The following BACE2 variants were observed in gnomAD, a reference collection of about 807,000 sequenced individuals.
BACE2 encodes the protein 56 kDa aspartic-like protease.
In BACE2, 17 loss-of-function variants were observed where a neutral mutation model predicts 46.2. That is an observed-to-expected ratio of 0.37 (90% confidence interval 0.25 to 0.55). BACE2 has a LOEUF of 0.55. BACE2 is among the 20% of genes least tolerant of loss of function. BACE2 has a pLI of 0.82. For missense variants in BACE2, 595 were observed against 698.1 expected, an observed-to-expected ratio of 0.85 and a Z score of 1.66; for synonymous variants, 277 against 295.9, an observed-to-expected ratio of 0.94 and a Z score of 0.66.
At chr21:41,179,303 G>A (rs1984994075) in intron 1 of BACE2, 1 of 1,305,696 alleles carries the variant, frequency 7.7e-7, no homozygotes, top group South Asian at 1.2e-5. Flanking sequence ...GATTGAGGGT[G>A]TCAGGGTGAG....
At chr21:41,243,659 A>G (rs983510944) in intron 5 of BACE2, 149 bp downstream of exon 5, 10 of 802,884 alleles carry the variant, frequency 1.2e-5, no homozygotes, top group Admixed American at 3.6e-5. Flanking sequence ...CTTGCTGTAC[A>G]GTAAGTTGAA....
chr21:41,213,792 C>G (rs368423395), intron 1 of BACE2, among the ~76,000 whole-genome samples: 31 of 151,968 alleles, frequency 2.0e-4, no homozygotes, highest in African/African-American at 7.2e-4. Context: ...AAAGAGTAAG[C>G]TTTGTCTGGG....
At chr21:41,268,708 C>T (rs571314971) in intron 8 of BACE2, among the ~76,000 whole-genome samples, 7 of 151,978 alleles carry the variant, frequency 4.6e-5, no homozygotes, top group Non-Finnish European at 1.0e-4. Flanking sequence ...TATAAATAGC[C>T]GCTGCATTCC....
intron 1 of BACE2, among the ~76,000 whole-genome samples, chr21:41,214,800 A>G (rs2123553459): frequency 6.6e-6 from 1 of 152,338 alleles, no homozygotes; most frequent in South Asian, 2.1e-4. Flanking sequence ...CCCTACTGTC[A>G]GCTGTCATGG....
chr21:41,259,806 T>C (rs978498218), intron 8 of BACE2, among the ~76,000 whole-genome samples: 1 of 149,344 alleles, frequency 6.7e-6, no homozygotes, highest in Non-Finnish European at 1.5e-5. Flanking sequence ...TTCTTTCTTT[T>C]GTTTTCTTTT....
intron 1 of BACE2, among the ~76,000 whole-genome samples, chr21:41,201,540 C>T (rs544174829): frequency 2.0e-5 from 3 of 152,348 alleles, no homozygotes; most frequent in African/African-American, 4.8e-5. Flanking sequence ...CTTACTGTCT[C>T]GCCTCCATCT....
At chr21:41,209,780 G>A (rs1183944230) in intron 1 of BACE2, among the ~76,000 whole-genome samples, 1 of 152,158 alleles carries the variant, frequency 6.6e-6, no homozygotes, top group Non-Finnish European at 1.5e-5. Flanking sequence ...TTCCTGCATG[G>A]AGAAGACACA....
chr21:41,228,716 C>T (rs1245995555), intron 2 of BACE2, among the ~76,000 whole-genome samples: 1 of 152,120 alleles, frequency 6.6e-6, no homozygotes, highest in African/African-American at 2.4e-5. Flanking sequence ...TCCACCAGGC[C>T]CCACTTCCTA....
chr21:41,222,505 G>C (rs550806941), intron 1 of BACE2, among the ~76,000 whole-genome samples: 1 of 152,250 alleles, frequency 6.6e-6, no homozygotes, highest in Non-Finnish European at 1.5e-5. Context: ...GGGATGTCTG[G>C]GGCTTTCACG....
chr21:41,188,256 C>T (rs1157684433), intron 1 of BACE2, among the ~76,000 whole-genome samples: 1 of 152,164 alleles, frequency 6.6e-6, no homozygotes, highest in Non-Finnish European at 1.5e-5. Context: ...TGGTGCTTCA[C>T]TTGGGGCCTG....
At position 41,217,005 on chromosome 21, in the gene BACE2, T is replaced by C. The variant is rs554141022; in HGVS notation, c.313-9261T>C. Among the ~76,000 whole-genome samples, 6 of 152,286 alleles carry C rather than the reference T, an allele frequency of 3.9e-5. No individual in the cohort carries two copies. The South Asian group carries it at 6.2e-4, about 16-fold the overall frequency. The stretch of plus-strand genomic sequence containing the variant: ...GGAGCGCAGTGGTGCGATCTTGGCT[T>C]ACTGCAACTTCTGCCTCTTGGGTTC... On this transcript the variant is annotated intron_variant, in intron 1 of 8. Transcript: ENST00000330333.
At chr21:41,207,045 A>G (rs544283320) in intron 1 of BACE2, among the ~76,000 whole-genome samples, 274 of 152,276 alleles carry the variant, frequency 1.8e-3, no homozygotes, top group Non-Finnish European at 2.9e-3. Context: ...GCTGTCATCA[A>G]CTCTTGAGCA....
intron 6 of BACE2, among the ~76,000 whole-genome samples, chr21:41,249,238 T>A (rs1987565702): frequency 7.2e-6 from 1 of 138,742 alleles, no homozygotes; most frequent in South Asian, 2.3e-4. Flanking sequence ...TCAGGATTAG[T>A]GAGCCCCCAC....
chr21:41,255,564 C>T (rs1009268947), intron 7 of BACE2, among the ~76,000 whole-genome samples: 41 of 152,306 alleles, frequency 2.7e-4, no homozygotes, highest in African/African-American at 7.9e-4. Flanking sequence ...GGGCACTTCC[C>T]GCCCTATGGT....
At chr21:41,205,604 T>G (rs1986098662) in intron 1 of BACE2, among the ~76,000 whole-genome samples, 1 of 152,222 alleles carries the variant, frequency 6.6e-6, no homozygotes, top group Non-Finnish European at 1.5e-5. Context: ...TCTTACATAG[T>G]ATAATTATTC....
chr21:41,248,038 G>A (rs1284079070), intron 6 of BACE2, among the ~76,000 whole-genome samples: 1 of 152,112 alleles, frequency 6.6e-6, no homozygotes, highest in African/African-American at 2.4e-5. Context: ...GTTCAGATGG[G>A]ATTCTAGAAA....
intron 2 of BACE2, among the ~76,000 whole-genome samples, chr21:41,236,391 G>A (rs929098701): frequency 2.0e-5 from 3 of 152,106 alleles, no homozygotes; most frequent in African/African-American, 4.8e-5. Context: ...CTCTCGTCCC[G>A]TAACCACCAT....
chr21:41,228,691 A>C (rs1004839195), intron 2 of BACE2, among the ~76,000 whole-genome samples: 1 of 152,218 alleles, frequency 6.6e-6, no homozygotes, highest in Non-Finnish European at 1.5e-5. Context: ...ATCCGACCTC[A>C]CTACGCAAAC....
chr21:41,216,233 C>T (rs779653054), intron 1 of BACE2, among the ~76,000 whole-genome samples: 2 of 152,154 alleles, frequency 1.3e-5, no homozygotes, highest in East Asian at 1.9e-4. Flanking sequence ...TCCTGCGGGC[C>T]GCTCAGACAC....
Sources: allele counts gnomAD v4.1 joint callset (sites outside exome capture counted in the v4.1 genomes callset), GRCh38; gene constraint gnomAD v4.1.1; transcripts MANE v1.5; gene names NCBI Gene and HGNC (gene_info 2026-07-23, HGNC 2026-07-21).